CYFIP1: variants seen among roughly 807,000 people sequenced by gnomAD.
CYFIP1 encodes the protein cytoplasmic FMR1 interacting protein 1, also known as cytoplasmic FMR1-interacting protein 1.
In CYFIP1, 58 loss-of-function variants were observed where a neutral mutation model predicts 163.5. The ratio of observed to expected loss-of-function variants is 0.35; its 90% CI spans 0.29 to 0.44. The LOEUF is 0.44. Ranked by LOEUF, CYFIP1 falls within the 20% of genes least tolerant of loss-of-function variation. The probability of loss-of-function intolerance (pLI) is 1.00; values close to 1 mark genes in which losing one functional copy is unlikely to be tolerated. For missense variants in CYFIP1, 1,338 were observed against 1,653.8 expected, an observed-to-expected ratio of 0.81 and a Z score of 3.31; for synonymous variants, 663 against 660.7, an observed-to-expected ratio of 1.00 and a Z score of -0.05.
At chr15:22,931,017 G>A (rs1046716983) in intron 11 of CYFIP1, among the ~76,000 whole-genome samples, 3 of 152,088 alleles carry the variant, frequency 2.0e-5, no homozygotes, top group African/African-American at 7.2e-5. Context: ...AGGGGTCTGT[G>A]TTAGAAGCAG....
rs2059147129 is a variant in CYFIP1, at chr15:22,867,094, CA to C, written c.*2933del. On this transcript the variant is annotated 3_prime_UTR_variant, in exon 31 of 31. Transcript: ENST00000617928. ...TTGTTGTAGAAGTATTTTACATTTT[CA>C]TCCCTTCTCCAAAAGCCGAATGCAC... 2 of 490,088 alleles carry C rather than the reference CA, an allele frequency of 4.1e-6. No individual in the cohort carries two copies. Among genetic ancestry groups the C allele is most frequent in the South Asian group, 8.4e-5 (2 of 23,680 alleles). The allele number at this position is 490,088 out of a possible 1,614,324, so 30.4% of individuals were successfully genotyped here.
At chr15:22,950,926 C>A (rs1401378347) in intron 1 of CYFIP1, among the ~76,000 whole-genome samples, 1 of 152,210 alleles carries the variant, frequency 6.6e-6, no homozygotes, top group African/African-American at 2.4e-5. Context: ...GTTCACATAA[C>A]TTTTATGACA....
At chr15:22,977,415 G>T (rs553952772) in intron 1 of CYFIP1, among the ~76,000 whole-genome samples, 8 of 152,212 alleles carry the variant, frequency 5.3e-5, no homozygotes, top group Admixed American at 3.9e-4. Context: ...CTAAAATAAG[G>T]TTTTTAAATT....
chr15:22,870,308 C>T (rs2059395458), intron 30 of CYFIP1, 116 bp from the exon 31 acceptor site: 1 of 1,274,286 alleles, frequency 7.8e-7, no homozygotes, highest in Admixed American at 2.6e-5. Context: ...ACGGAATTGA[C>T]ACACATACTG....
intron 13 of CYFIP1, among the ~76,000 whole-genome samples, chr15:22,920,108 CA>C (rs571055489): frequency 2.1e-5 from 3 of 144,682 alleles, no homozygotes; most frequent in Non-Finnish European, 4.5e-5. Context: ...AACAAACAAA[CA>C]AAAAAAACCT....
chr15:22,964,401 AC>A (rs2062828056), intron 1 of CYFIP1, among the ~76,000 whole-genome samples: 2 of 137,648 alleles, frequency 1.5e-5, no homozygotes, highest in South Asian at 4.6e-4. Context: ...ACACACACAC[AC>A]ACACACCCGG....
chr15:22,902,066 G>A (rs2060410563), intron 22 of CYFIP1, among the ~76,000 whole-genome samples: 1 of 152,228 alleles, frequency 6.6e-6, no homozygotes, highest in African/African-American at 2.4e-5. Context: ...CAACAGGTAT[G>A]GCCCGAGGCA....
intron 30 of CYFIP1, among the ~76,000 whole-genome samples, chr15:22,871,137 C>G (rs953541136): frequency 1.3e-5 from 2 of 152,088 alleles, no homozygotes; most frequent in African/African-American, 4.8e-5. Flanking sequence ...TAGAGATGGG[C>G]AGATACAAAT....
At chr15:22,875,635 A>G (rs962421801) in intron 26 of CYFIP1, among the ~76,000 whole-genome samples, 2 of 151,960 alleles carry the variant, frequency 1.3e-5, no homozygotes, top group Non-Finnish European at 2.9e-5. Flanking sequence ...CTTCCCTGCT[A>G]ATTTGCCACC....
At chr15:22,950,053 A>G (rs1468841149) in intron 1 of CYFIP1, among the ~76,000 whole-genome samples, 1 of 152,220 alleles carries the variant, frequency 6.6e-6, no homozygotes, top group Non-Finnish European at 1.5e-5. Context: ...AAAACAGAAT[A>G]CTATGTTTTT....
chr15:22,888,844 C>A (rs183311458), intron 23 of CYFIP1, among the ~76,000 whole-genome samples: 85 of 152,094 alleles, frequency 5.6e-4, no homozygotes, highest in Middle Eastern at 6.9e-3. Context: ...AGTTCGAGAC[C>A]AGCCTGGCTA....
intron 1 of CYFIP1, among the ~76,000 whole-genome samples, chr15:22,948,283 A>G (rs967626889): frequency 1.4e-4 from 22 of 152,150 alleles, no homozygotes; most frequent in African/African-American, 5.3e-4. Context: ...CTCAAGCTGC[A>G]GGGGTGTGGA....
rs1171089972 is a variant in CYFIP1, at chr15:22,918,878, A to G, written c.1360-20T>C. ...GATCACCTGCGGGGGACACAGCAAC[A>G]GGGACGGCCCTTCTTAGGGATGGCA... is the stretch of plus-strand genomic sequence containing the variant. On this transcript the variant is annotated intron_variant, in intron 13 of 30. Coordinates refer to ENST00000617928, the MANE Select transcript of CYFIP1 (RefSeq NM_014608.6). 1 of 1,568,834 alleles carries G rather than the reference A, an allele frequency of 6.4e-7. No individual in the cohort carries two copies. The highest frequency in any genetic ancestry group is 8.6e-7 in the Non-Finnish European group (1 of 1,156,238).
At chr15:22,876,249 G>C (rs932362715) in intron 26 of CYFIP1, among the ~76,000 whole-genome samples, 5 of 152,010 alleles carry the variant, frequency 3.3e-5, no homozygotes, top group Admixed American at 3.3e-4. Flanking sequence ...CTAAGACCAA[G>C]AGGAAGAAAG....
chr15:22,973,764 G>A lies in CYFIP1; in HGVS notation c.-7+6523C>T, dbSNP rs547253508. Among the ~76,000 whole-genome samples the A allele has an allele frequency of 3.2e-4, 49 of 152,306 alleles. No individual in the cohort carries two copies. In the South Asian group the frequency reaches 1.0e-2, roughly 31 times the overall value. On this transcript the variant is annotated intron_variant, in intron 1 of 30. Transcript: ENST00000617928. Reference sequence around the variant, plus strand: ...CACAGCAAAGGAATCAATCAACAAAGTGACAATCTACAGAATGCAGGAAAA... The same window carrying A: ...CACAGCAAAGGAATCAATCAACAAAATGACAATCTACAGAATGCAGGAAAA...
intron 28 of CYFIP1, 58 bp from the exon 29 acceptor site, chr15:22,873,787 A>G (rs1037485368): frequency 8.6e-6 from 12 of 1,402,814 alleles, no homozygotes; most frequent in Middle Eastern, 1.8e-4. Context: ...GCTACTCCAC[A>G]TCCTCTATGT....
In CYFIP1 at chr15:22,939,215, T is replaced by A. The variant is rs368496695; in HGVS notation, c.772A>T (p.Ser258Cys). Residue 258 changes from serine (S) to cysteine (C), a missense_variant, in exon 8 of 31, where the codon AGT becomes TGT. Ser to Cys is a moderately radical substitution (Grantham distance 112). This residue lies in a region of CYFIP1 where 824 missense variants were observed against 995.7 expected (regional missense o/e 0.83). Coordinates refer to ENST00000617928, the MANE Select transcript of CYFIP1 (RefSeq NM_014608.6). ...YYENRMYLTP[S>C]EKHMLLKVMG... ...ACTTTGAGAAGCATGTGTTTCTCAC[T>A]GGGCGTCAAATACATCCTGTTCTCG... 11 of 1,614,110 alleles carry A rather than the reference T, an allele frequency of 6.8e-6. No individual in the cohort carries two copies. The African/African-American group carries it at 1.5e-4, about 22-fold the overall frequency.
intron 22 of CYFIP1, among the ~76,000 whole-genome samples, chr15:22,895,934 AC>A (rs1268150813): frequency 6.6e-6 from 1 of 152,206 alleles, no homozygotes; most frequent in Non-Finnish European, 1.5e-5. Context: ...AACCTCCCAG[AC>A]TTTGCCCTGC....
At chr15:22,964,630 A>T (rs1457692668) in intron 1 of CYFIP1, among the ~76,000 whole-genome samples, 1 of 152,060 alleles carries the variant, frequency 6.6e-6, no homozygotes, top group African/African-American at 2.4e-5. Context: ...TCCCTCTGGG[A>T]AAAAGGGACC....
Sources: allele counts gnomAD v4.1 joint callset (sites outside exome capture counted in the v4.1 genomes callset), GRCh38; gene constraint gnomAD v4.1.1; regional missense constraint gnomAD v4.1.1; transcripts MANE v1.5; gene names NCBI Gene and HGNC (gene_info 2026-07-23, HGNC 2026-07-21).